ERBB4: variants seen among roughly 807,000 people sequenced by gnomAD.
The protein encoded by ERBB4 is erb-b2 receptor tyrosine kinase 4.
ERBB4 carries 42 observed loss-of-function variants against 158.0 expected under a neutral mutation model. That is an observed-to-expected ratio of 0.27 (90% CI 0.21 to 0.34). The LOEUF (loss-of-function observed/expected upper bound fraction) is 0.34. ERBB4 is among the 10% of genes least tolerant of loss of function. The pLI, the probability that ERBB4 is intolerant of heterozygous loss-of-function variation, is 1.00. For missense variants in ERBB4, 1,333 were observed against 1,624.1 expected (o/e 0.82, Z 3.08); for synonymous variants, 583 against 558.7 (o/e 1.04, Z -0.61).
intron 3 of ERBB4, among the ~76,000 whole-genome samples, chr2:211,806,939 G>T (rs2076632132): frequency 6.6e-6 from 1 of 151,872 alleles, no homozygotes; most frequent in Non-Finnish European, 1.5e-5. Context: ...TACTTTTAAA[G>T]ATAGTATCTT....
At chr2:211,721,643 A>C (rs1197713554) in intron 7 of ERBB4, among the ~76,000 whole-genome samples, 1 of 139,996 alleles carries the variant, frequency 7.1e-6, no homozygotes, top group Admixed American at 7.1e-5. Flanking sequence ...ATATATATAT[A>C]TACATGTTTT....
At chr2:212,278,729 G>C (rs1574583479) in intron 1 of ERBB4, among the ~76,000 whole-genome samples, 1 of 151,622 alleles carries the variant, frequency 6.6e-6, no homozygotes. Context: ...AATGAAGGTA[G>C]AAAAGCAATC....
At chr2:211,525,187 A>G (rs1310814395) in intron 20 of ERBB4, among the ~76,000 whole-genome samples, 1 of 152,100 alleles carries the variant, frequency 6.6e-6, no homozygotes, top group African/African-American at 2.4e-5. Context: ...GGGGCACATG[A>G]CCTACTAAAA....
chr2:211,698,102 AG>A (rs770597546), intron 12 of ERBB4, among the ~76,000 whole-genome samples: 18 of 152,096 alleles, frequency 1.2e-4, no homozygotes, highest in South Asian at 4.1e-4. Context: ...GGATCACCTG[AG>A]ATCAGGAGTT....
At chr2:212,038,876 T>A (rs1290650516) in intron 2 of ERBB4, among the ~76,000 whole-genome samples, 2 of 152,130 alleles carry the variant, frequency 1.3e-5, no homozygotes, top group African/African-American at 2.4e-5. Flanking sequence ...CTCTAGGGCA[T>A]GATCGGGGAA....
chr2:211,584,092 T>A lies in ERBB4; in HGVS notation c.2302-22004A>T, dbSNP rs576573457. On this transcript the variant is annotated intron_variant, in intron 19 of 27. Coordinates refer to ENST00000342788, the MANE Select transcript of ERBB4 (RefSeq NM_005235.3). ...GAGCAAAAGCCATGTCCATTGTGCA[T>A]GTCTGATCTGCCTCAAGAAAGATCC... 1.1e-4 allele frequency among the ~76,000 whole-genome samples: 16 copies of A among 149,846 alleles called. No homozygotes were observed. In the South Asian group the frequency reaches 3.4e-3, roughly 32 times the overall value.
At chr2:211,743,470 A>T (rs906043222) in intron 5 of ERBB4, among the ~76,000 whole-genome samples, 2 of 152,202 alleles carry the variant, frequency 1.3e-5, no homozygotes, top group Non-Finnish European at 2.9e-5. Context: ...GCTTAAAGAT[A>T]AAAAAGGACA....
At chr2:211,463,050 T>A (rs143881990) in intron 20 of ERBB4, among the ~76,000 whole-genome samples, 2 of 152,242 alleles carry the variant, frequency 1.3e-5, no homozygotes, top group East Asian at 3.9e-4. Flanking sequence ...AAATTAGAAA[T>A]AATTTACCCA....
chr2:212,133,409 T>TG (rs142020967), intron 1 of ERBB4, among the ~76,000 whole-genome samples: 57,927 of 140,782 alleles, frequency 0.41, 13,989 homozygotes, highest in Non-Finnish European at 0.54. Flanking sequence ...TTTTTTTTGT[T>TG]TTGTTTTGTT....
chr2:211,388,136 G>A (rs1052846593), intron 25 of ERBB4, 144 bp from the exon 26 acceptor site: 1 of 692,748 alleles, frequency 1.4e-6, no homozygotes, highest in Admixed American at 2.3e-5. Context: ...TTCCTAAGCA[G>A]CACAATTGTA....
chr2:211,599,513 C>CTGTGTGTGTGTGTGTGTGTGTG (rs6147153), intron 19 of ERBB4, among the ~76,000 whole-genome samples: 18,789 of 140,552 alleles, frequency 0.13, 1,463 homozygotes, highest in Admixed American at 0.17. Context: ...ATAATTTCTT[C>CTGTGTGTGTGTGTGTGTGTGTG]TGTGTGTGTG....
At chr2:211,507,220 AC>A (rs1305336820) in intron 20 of ERBB4, among the ~76,000 whole-genome samples, 1 of 152,116 alleles carries the variant, frequency 6.6e-6, no homozygotes, top group Non-Finnish European at 1.5e-5. Context: ...GTAATAAAAA[AC>A]ATCTTTCATC....
chr2:211,557,538 G>C (rs2067268053), intron 20 of ERBB4, among the ~76,000 whole-genome samples: 1 of 152,126 alleles, frequency 6.6e-6, no homozygotes, highest in Admixed American at 6.5e-5. Context: ...GATCATTAGA[G>C]AAATGCAAAT....
chr2:212,023,950 A>C (rs1376869386), intron 2 of ERBB4, among the ~76,000 whole-genome samples: 1 of 151,840 alleles, frequency 6.6e-6, no homozygotes, highest in Non-Finnish European at 1.5e-5. Flanking sequence ...AAACAAATCA[A>C]TTATAATTTC....
chr2:211,500,226 G>A (rs2065583276), intron 20 of ERBB4, among the ~76,000 whole-genome samples: 1 of 152,046 alleles, frequency 6.6e-6, no homozygotes, highest in Non-Finnish European at 1.5e-5. Flanking sequence ...CCATTTAAAA[G>A]GGTATAATTT....
chr2:211,495,089 A>G (rs1420137800), intron 20 of ERBB4, among the ~76,000 whole-genome samples: 1 of 152,114 alleles, frequency 6.6e-6, no homozygotes, highest in African/African-American at 2.4e-5. Context: ...ATTAGCAAAA[A>G]TGGGGAAAAA....
chr2:212,412,326 G>A (rs2091522781), intron 1 of ERBB4, among the ~76,000 whole-genome samples: 1 of 152,190 alleles, frequency 6.6e-6, no homozygotes, highest in Admixed American at 6.5e-5. Flanking sequence ...CTGATGGCAG[G>A]TGTTTGGATA....
intron 1 of ERBB4, among the ~76,000 whole-genome samples, chr2:212,329,366 G>A (rs2088016680): frequency 1.3e-5 from 2 of 152,010 alleles, no homozygotes; most frequent in African/African-American, 4.8e-5. Flanking sequence ...TTTACACACA[G>A]TCATTAGCAA....
At chr2:212,083,762 T>C (rs1378963821) in intron 2 of ERBB4, among the ~76,000 whole-genome samples, 1 of 151,922 alleles carries the variant, frequency 6.6e-6, no homozygotes, top group Admixed American at 6.6e-5. Flanking sequence ...TTTTAATTCA[T>C]GTCTAAATCT....
Sources: allele counts gnomAD v4.1 joint callset (sites outside exome capture counted in the v4.1 genomes callset), GRCh38; gene constraint gnomAD v4.1.1; transcripts MANE v1.5; gene names NCBI Gene and HGNC (gene_info 2026-07-23, HGNC 2026-07-21).